Variants in DOCK4 observed in about 807,000 individuals in gnomAD.
DOCK4 encodes dedicator of cytokinesis protein 4.
A neutral mutation model predicts 268.1 loss-of-function variants in DOCK4; 97 were observed. The observed-to-expected ratio is 0.36, with a 90% confidence interval of 0.31 to 0.43. The LOEUF is 0.43. Among genes scored for constraint, DOCK4 ranks in the 20% least tolerant of loss-of-function variants. The pLI is 1.00. For missense variants in DOCK4, 2,145 were observed against 2,455.7 expected, an observed-to-expected ratio of 0.87 and a Z score of 2.67; for synonymous variants, 954 against 887.2, an observed-to-expected ratio of 1.08 and a Z score of -1.34.
intron 12 of DOCK4, among the ~76,000 whole-genome samples, chr7:111,926,495 AAAGAAAAAAAGAAGG>A (rs1308007215): frequency 3.4e-5 from 5 of 148,714 alleles, no homozygotes; most frequent in Non-Finnish European, 7.4e-5. Context: ...AGAAAGAAAC[AAAGAAAAAAAGAAGG>A]AAGAAAAAAA....
intron 35 of DOCK4, 84 bp from the exon 36 acceptor site, chr7:111,778,453 G>T: frequency 1.3e-6 from 1 of 783,922 alleles, no homozygotes; most frequent in Non-Finnish European, 2.0e-6. Flanking sequence ...AAAGTTCCAT[G>T]TCTGGAGCCA....
chr7:111,781,225 A>T (rs1450015319), intron 35 of DOCK4, among the ~76,000 whole-genome samples: 2 of 152,234 alleles, frequency 1.3e-5, no homozygotes, highest in Non-Finnish European at 2.9e-5. Flanking sequence ...GAGGTTATTT[A>T]TGGGACTTTG....
intron 8 of DOCK4, among the ~76,000 whole-genome samples, chr7:111,974,921 C>A (rs1421481153): frequency 6.6e-6 from 1 of 152,102 alleles, no homozygotes; most frequent in African/African-American, 2.4e-5. Context: ...TTAGTACAAT[C>A]CTATGATAAT....
chr7:112,025,488 T>C lies in DOCK4; in HGVS notation c.38-21357A>G, dbSNP rs76789258. 2.7e-3 allele frequency among the ~76,000 whole-genome samples: 415 copies of C among 152,244 alleles called. 16 individuals carry two copies. The East Asian group carries it at 0.071, about 26-fold the overall frequency. ...AAGTGCTGACTGGCCAAGGAGAGGA[T>C]AGCCAACTCTATCAGTGTGATAAGT... On this transcript the variant is annotated intron_variant, in intron 1 of 52. Coordinates refer to ENST00000428084, the MANE Select transcript of DOCK4 (RefSeq NM_001363540.2).
chr7:111,746,787 G>A (rs1796297171), intron 43 of DOCK4, among the ~76,000 whole-genome samples: 1 of 145,258 alleles, frequency 6.9e-6, no homozygotes, highest in African/African-American at 2.5e-5. Context: ...TCCACTTAAA[G>A]TATCATCTAA....
At chr7:112,126,297 T>C (rs1168358764) in intron 1 of DOCK4, among the ~76,000 whole-genome samples, 1 of 152,192 alleles carries the variant, frequency 6.6e-6, no homozygotes, top group Non-Finnish European at 1.5e-5. Context: ...TGCTTAGTCC[T>C]CACAGCAGCC....
At chr7:111,935,003 A>G (rs1794610680) in intron 12 of DOCK4, among the ~76,000 whole-genome samples, 1 of 151,218 alleles carries the variant, frequency 6.6e-6, no homozygotes, top group Admixed American at 6.6e-5. Flanking sequence ...CTGGAGTGCA[A>G]TGGCACAATC....
chr7:111,869,749 T>C lies in DOCK4; in HGVS notation c.2028-94A>G, dbSNP rs973751363. 2.0e-5 allele frequency: 21 copies of C among 1,048,692 alleles called. No individual in the cohort carries two copies. The African/African-American group carries it at 2.4e-4, about 12-fold the overall frequency. The allele number at this position is 1,048,692 out of a possible 1,614,324, so 65.0% of individuals were successfully genotyped here. On this transcript the variant is annotated intron_variant, in intron 20 of 52. Coordinates refer to ENST00000428084, the MANE Select transcript of DOCK4 (RefSeq NM_001363540.2). ...AACTCTTAACTATATCATGAGGAGG[T>C]TTCTTTTCCCATCAGTTCTCACATT...
intron 16 of DOCK4, among the ~76,000 whole-genome samples, chr7:111,888,651 C>T (rs1160081919): frequency 6.6e-6 from 1 of 151,930 alleles, no homozygotes; most frequent in African/African-American, 2.4e-5. Context: ...GGACAGTCAA[C>T]CAGAAGGAGA....
At chr7:111,912,184 A>G in intron 13 of DOCK4, among the ~76,000 whole-genome samples, 1 of 152,218 alleles carries the variant, frequency 6.6e-6, no homozygotes, top group East Asian at 1.9e-4. Context: ...TCTCATAGCT[A>G]TGCCAGGTGC....
chr7:111,732,334 G>A (rs1342349065), intron 51 of DOCK4, 47 bp from the exon 52 acceptor site: 3 of 1,591,872 alleles, frequency 1.9e-6, no homozygotes, highest in South Asian at 1.1e-5. Flanking sequence ...AAAACCAGAC[G>A]ATTGACTATC....
At chr7:112,043,502 T>A (rs1325859836) in intron 1 of DOCK4, among the ~76,000 whole-genome samples, 1 of 150,454 alleles carries the variant, frequency 6.6e-6, no homozygotes, top group Non-Finnish European at 1.5e-5. Context: ...AAATCTCTAT[T>A]AAAAAGACAT....
intron 16 of DOCK4, among the ~76,000 whole-genome samples, chr7:111,886,429 T>G (rs1160310806): frequency 6.6e-6 from 1 of 152,194 alleles, no homozygotes; most frequent in Non-Finnish European, 1.5e-5. Flanking sequence ...GCACTGCATG[T>G]CTGATCTCCA....
At chr7:111,973,915 A>C (rs984220431) in intron 8 of DOCK4, among the ~76,000 whole-genome samples, 1 of 152,224 alleles carries the variant, frequency 6.6e-6, no homozygotes, top group Non-Finnish European at 1.5e-5. Flanking sequence ...AAACACTCAC[A>C]AATAAGAAGA....
chr7:111,814,245 T>C (rs1801372482), intron 27 of DOCK4, among the ~76,000 whole-genome samples: 1 of 152,170 alleles, frequency 6.6e-6, no homozygotes, highest in South Asian at 2.1e-4. Context: ...ACACAAAATA[T>C]ATTTGTGGCT....
At chr7:111,957,592 A>C (rs1289708006) in intron 8 of DOCK4, among the ~76,000 whole-genome samples, 8 of 152,176 alleles carry the variant, frequency 5.3e-5, no homozygotes, top group Admixed American at 5.2e-4. Flanking sequence ...ACTAACAAGG[A>C]CTGCATCAAT....
chr7:111,769,964 T>C (rs113702188), intron 36 of DOCK4, among the ~76,000 whole-genome samples: 6 of 152,128 alleles, frequency 3.9e-5, no homozygotes, highest in African/African-American at 1.4e-4. Context: ...TATGCTACAG[T>C]ATAATCAAAA....
intron 30 of DOCK4, among the ~76,000 whole-genome samples, chr7:111,793,778 G>C (rs531024343): frequency 6.6e-6 from 1 of 152,162 alleles, no homozygotes; most frequent in African/African-American, 2.4e-5. Flanking sequence ...CACTTTGGGA[G>C]GCCAAGGCAG....
At chr7:112,016,588 C>T (rs1801828003) in intron 1 of DOCK4, among the ~76,000 whole-genome samples, 1 of 152,148 alleles carries the variant, frequency 6.6e-6, no homozygotes, top group Admixed American at 6.5e-5. Flanking sequence ...GCAACCTTAG[C>T]CATTTCTAAT....
Sources: allele counts gnomAD v4.1 joint callset (sites outside exome capture counted in the v4.1 genomes callset), GRCh38; gene constraint gnomAD v4.1.1; transcripts MANE v1.5; gene names NCBI Gene and HGNC (gene_info 2026-07-23, HGNC 2026-07-21).